The following EGR3 variants were observed in gnomAD, a reference collection of about 807,000 sequenced individuals.
The protein encoded by EGR3 is early growth response protein 3.
In EGR3, 4 loss-of-function variants were observed where a neutral mutation model predicts 22.4. The ratio of observed to expected loss-of-function variants is 0.18; its 90% CI spans 0.09 to 0.41. The LOEUF is 0.41. EGR3 is among the 10% of genes least tolerant of loss of function. The pLI is 1.00. For missense variants in EGR3, 315 were observed against 541.3 expected (o/e 0.58, Z 4.15); for synonymous variants, 219 against 226.8 (o/e 0.97, Z 0.31).
rs930261900 is a variant in EGR3 at position 22,688,899 on chromosome 8, T to A, written c.*1574A>T. The stretch of plus-strand genomic sequence containing the variant: ...AGGTAGGGTGGGGAGAAGGTGAGAC[T>A]GGGTATGGAAAGGAGACACCTCATT... On this transcript the variant is annotated 3_prime_UTR_variant, in exon 2 of 2. Transcript: ENST00000317216. 1 of 152,600 alleles carries A rather than the reference T, an allele frequency of 6.6e-6. No individual in the cohort carries two copies. The highest frequency in any genetic ancestry group is 2.4e-5 in the African/African-American group (1 of 41,434). The allele number at this position is 152,600 out of a possible 1,614,324, so 9.5% of individuals were successfully genotyped here. A position where few individuals can be genotyped will look rare whatever the true frequency, so the allele number is the denominator to read the frequency against.
rs142198577 is a variant in EGR3, at chr8:22,690,557, C to T, written c.1080G>A (p.Glu360=). 5.3e-4 allele frequency: 856 copies of T among 1,613,898 alleles called. 3 individuals carry two copies. In the African/African-American group the frequency reaches 0.011, roughly 20 times the overall value. Residue 360 remains glutamate (E), a synonymous_variant, in exon 2 of 2, where the codon GAG becomes GAA. Transcript: ENST00000317216. ...GTGCACCGCCCTTCTCCGCCTTCTT[C>T]TCCTTTTGCTTGAGGTGGATCTTGG... ...RHAKIHLKQK[E]KKAEKGGAPS... is the part of the protein sequence containing the mutation.
In EGR3 at chr8:22,689,933, T is replaced by G. The variant is rs867282466; in HGVS notation, c.*540A>C. On this transcript the variant is annotated 3_prime_UTR_variant, in exon 2 of 2. Coordinates refer to ENST00000317216, the MANE Select transcript of EGR3 (RefSeq NM_004430.3). ...CTTGCGCGCGCGCACACACACACAC[T>G]CACACACACACATACACACACACGC... The G allele has an allele frequency of 2.8e-4, 43 of 155,398 alleles. No individual in the cohort carries two copies. Among genetic ancestry groups the G allele is most frequent in the Non-Finnish European group, 4.8e-4 (34 of 70,272 alleles). 9.6% of individuals were successfully genotyped at this position (155,398 alleles called of 1,614,324 possible). A position where few individuals can be genotyped will look rare whatever the true frequency, so the allele number is the denominator to read the frequency against.
chr8:22,689,894 C>T lies in EGR3; in HGVS notation c.*579G>A, dbSNP rs966794459. ...ACACAGCCCAGTTCAGCTCAAGAGT[C>T]TTAAACACACACGCTTGCGCGCGCG... On this transcript the variant is annotated 3_prime_UTR_variant, in exon 2 of 2. Coordinates refer to ENST00000317216, the MANE Select transcript of EGR3 (RefSeq NM_004430.3). 6.5e-6 allele frequency: 1 copy of T among 154,108 alleles called. No homozygotes were observed. The highest frequency in any genetic ancestry group is 2.4e-5 in the African/African-American group (1 of 41,510). 9.5% of individuals were successfully genotyped at this position (154,108 alleles called of 1,614,324 possible).
intron 1 of EGR3, chr8:22,691,841 G>A (rs1403094792): frequency 1.0e-6 from 1 of 985,380 alleles, no homozygotes; most frequent in Non-Finnish European, 1.2e-6. Flanking sequence ...CCCGGAGCGC[G>A]CTGGGCTCTC....
At position 22,690,334 on chromosome 8, in the gene EGR3, A is replaced by G. The variant is rs1803900654; in HGVS notation, c.*139T>C. 3 of 713,010 alleles carry G rather than the reference A, an allele frequency of 4.2e-6. No individual in the cohort carries two copies. Among genetic ancestry groups the G allele is most frequent in the African/African-American group, 3.6e-5 (2 of 55,820 alleles). 44.2% of individuals were successfully genotyped at this position (713,010 alleles called of 1,614,324 possible). ...GAAAGGTTGGGAACCGGGGGCATCG[A>G]AGGGGAAGCAAGGGGCCGCACGTCC... On this transcript the variant is annotated 3_prime_UTR_variant, in exon 2 of 2. Transcript: ENST00000317216.
In EGR3 at chr8:22,690,362, G is replaced by A. The variant is rs1803902248; in HGVS notation, c.*111C>T. 2 of 873,750 alleles carry A rather than the reference G, an allele frequency of 2.3e-6. No individual in the cohort carries two copies. Among genetic ancestry groups the A allele is most frequent in the South Asian group, 1.7e-5 (1 of 58,078 alleles). 54.1% of individuals were successfully genotyped at this position (873,750 alleles called of 1,614,324 possible). On this transcript the variant is annotated 3_prime_UTR_variant, in exon 2 of 2. Transcript: ENST00000317216. ...GGGAAGCAAGGGGCCGCACGTCCAT[G>A]GAGAGGCCAGGGCGCGGCCCCTACG...
chr8:22,689,225 T>G lies in EGR3; in HGVS notation c.*1248A>C, dbSNP rs1012830528. 2.6e-5 allele frequency: 4 copies of G among 152,544 alleles called. No individual in the cohort carries two copies. Among genetic ancestry groups the G allele is most frequent in the Non-Finnish European group, 4.4e-5 (3 of 68,034 alleles). The allele number at this position is 152,544 out of a possible 1,614,324, so 9.4% of individuals were successfully genotyped here. ...ACCAAGTACCTTAGAGATTTTATTT[T>G]GCTAGGAATACATATTGTGTGTATG... On this transcript the variant is annotated 3_prime_UTR_variant, in exon 2 of 2. Transcript: ENST00000317216.
Position 22,690,800 on chromosome 8 carries a change from G to A in EGR3, c.837C>T (p.Ala279=), listed in dbSNP as rs763112257. ...PLHERPHACP[A]EGCDRRFSRS... ...GGCTGAAACGGCGGTCGCAGCCCTC[G>A]GCCGGGCACGCGTGGGGCCGTTCGT... is the stretch of plus-strand genomic sequence containing the variant. Residue 279 remains alanine, a synonymous_variant, in exon 2 of 2, where the codon GCC becomes GCT. Coordinates refer to ENST00000317216, the MANE Select transcript of EGR3 (RefSeq NM_004430.3). The A allele has an allele frequency of 6.2e-7, 1 of 1,612,852 alleles. No individual in the cohort carries two copies. Among genetic ancestry groups the A allele is most frequent in the East Asian group, 2.2e-5 (1 of 44,846 alleles).
Position 22,692,662 on chromosome 8 carries a change from TATCCACCC to T in EGR3, c.154+121_154+128del, listed in dbSNP as rs1395297830. 1.9e-4 allele frequency: 276 copies of T among 1,439,752 alleles called. No homozygotes were observed. In the African/African-American group the frequency reaches 2.1e-3, roughly 11 times the overall value. 89.2% of individuals were successfully genotyped at this position (1,439,752 alleles called of 1,614,324 possible). A position where few individuals can be genotyped will look rare whatever the true frequency, so the allele number is the denominator to read the frequency against. ...GCCCCCATCTCTCCATCCATTTATC[TATCCACCC>T]ATCCACCCATCCATCCATCCATCCA... On this transcript the variant is annotated intron_variant, in intron 1 of 1. Coordinates refer to ENST00000317216, the MANE Select transcript of EGR3 (RefSeq NM_004430.3). The surrounding 1 kb of genome is among the most constrained non-coding windows in gnomAD (Gnocchi z 6.2).
In EGR3 at chr8:22,692,679, AT is replaced by A; in HGVS notation, c.154+111del. 2 of 1,078,768 alleles carry A rather than the reference AT, an allele frequency of 1.9e-6. No individual in the cohort carries two copies. Among genetic ancestry groups the A allele is most frequent in the Non-Finnish European group, 2.5e-6 (2 of 801,640 alleles). 66.8% of individuals were successfully genotyped at this position (1,078,768 alleles called of 1,614,324 possible). A position where few individuals can be genotyped will look rare whatever the true frequency, so the allele number is the denominator to read the frequency against. On this transcript the variant is annotated intron_variant, in intron 1 of 1. Transcript: ENST00000317216. The surrounding 1 kb of genome is among the most constrained non-coding windows in gnomAD (Gnocchi z 6.2). ...CATTTATCTATCCACCCATCCACCC[AT>A]CCATCCATCCATCCATCCATCCATC...
At chr8:22,691,677 C>A in intron 1 of EGR3, 195 bp from the exon 2 acceptor site, 4 of 982,026 alleles carry the variant, frequency 4.1e-6, no homozygotes, top group Non-Finnish European at 4.8e-6. Flanking sequence ...TAGCAAAATA[C>A]TACGGATCGG....
At position 22,692,670 on chromosome 8, in the gene EGR3, C is replaced by T. The variant is rs1804010852; in HGVS notation, c.154+121G>A. 6 of 1,454,688 alleles carry T rather than the reference C, an allele frequency of 4.1e-6. No homozygotes were observed. The highest frequency in any genetic ancestry group is 4.6e-6 in the Non-Finnish European group (5 of 1,090,652). 90.1% of individuals were successfully genotyped at this position (1,454,688 alleles called of 1,614,324 possible). A position where few individuals can be genotyped will look rare whatever the true frequency, so the allele number is the denominator to read the frequency against. On this transcript the variant is annotated intron_variant, in intron 1 of 1. Coordinates refer to ENST00000317216, the MANE Select transcript of EGR3 (RefSeq NM_004430.3). The surrounding 1 kb of genome is among the most constrained non-coding windows in gnomAD (Gnocchi z 6.2). ...CTCTCCATCCATTTATCTATCCACC[C>T]ATCCACCCATCCATCCATCCATCCA... is the stretch of plus-strand genomic sequence containing the variant.
chr8:22,693,076 CGGGGGGA>C lies in EGR3; in HGVS notation c.-139_-133del. 2.0e-4 allele frequency: 14 copies of C among 69,320 alleles called. No homozygotes were observed. Among genetic ancestry groups the C allele is most frequent in the Non-Finnish European group, 2.9e-4 (12 of 41,196 alleles). The allele number at this position is 69,320 out of a possible 1,614,324, so 4.3% of individuals were successfully genotyped here. A position where few individuals can be genotyped will look rare whatever the true frequency, so the allele number is the denominator to read the frequency against. On this transcript the variant is annotated 5_prime_UTR_variant, in exon 1 of 2. Transcript: ENST00000317216. Reference sequence around the variant, plus strand: ...GGAAAAGCATGCGAGAGGGAAAGTTCGGGGGGAGGGGGGAGGGAAGAAGGGAAGGGAT... The same window carrying C: ...GGAAAAGCATGCGAGAGGGAAAGTTCGGGGGGAGGGAAGAAGGGAAGGGAT...
At position 22,690,523 on chromosome 8, in the gene EGR3, ATGCAGAGGG is replaced by A. The variant is rs762200054; in HGVS notation, c.1105_1113del (p.Pro369_Ala371del). The A allele has an allele frequency of 6.2e-7, 1 of 1,612,274 alleles. No homozygotes were observed. The highest frequency in any genetic ancestry group is 1.1e-5 in the South Asian group (1 of 91,064). Reference sequence around the variant, plus strand: ...GCCAGCGACACGGGGGGCGCCGAGGATGCAGAGGGTGCACCGCCCTTCTCCGCCTTCTTC... The same window carrying A: ...GCCAGCGACACGGGGGGCGCCGAGGATGCACCGCCCTTCTCCGCCTTCTTC... On this transcript the variant is annotated inframe_deletion, in exon 2 of 2. Coordinates refer to ENST00000317216, the MANE Select transcript of EGR3 (RefSeq NM_004430.3).
Position 22,692,097 on chromosome 8 carries a change from C to T in EGR3, c.155-615G>A. On this transcript the variant is annotated intron_variant, in intron 1 of 1. Transcript: ENST00000317216. This position sits in a 1 kb window ranked among gnomAD's most constrained non-coding sequence, Gnocchi z 6.2. ...TAGGCTCTTGCTGGAGGGGAAAATCCTAGCCCCAGCTAGGGAGGGTGGAGA... is the reference window on the plus strand; with the variant it reads ...TAGGCTCTTGCTGGAGGGGAAAATCTTAGCCCCAGCTAGGGAGGGTGGAGA... 7.4e-7 allele frequency: 1 copy of T among 1,359,198 alleles called. No individual in the cohort carries two copies. Among genetic ancestry groups the T allele is most frequent in the South Asian group, 1.7e-5 (1 of 57,598 alleles). The allele number at this position is 1,359,198 out of a possible 1,614,324, so 84.2% of individuals were successfully genotyped here. A position where few individuals can be genotyped will look rare whatever the true frequency, so the allele number is the denominator to read the frequency against.
In EGR3 at chr8:22,690,635, G is replaced by A. The variant is rs1434857808; in HGVS notation, c.1002C>T (p.Ala334=). 4 of 1,614,090 alleles carry A rather than the reference G, an allele frequency of 2.5e-6. No homozygotes were observed. Among genetic ancestry groups the A allele is most frequent in the South Asian group, 2.2e-5 (2 of 91,082 alleles). Residue 334 remains alanine (A), a synonymous_variant, in exon 2 of 2, where the codon GCC becomes GCT. Coordinates refer to ENST00000317216, the MANE Select transcript of EGR3 (RefSeq NM_004430.3). ...CAAACTTGCGCCCGCAGAACTCGCA[G>A]GCAAAGGGCTTCTCGCCCGTATGAG... is the stretch of plus-strand genomic sequence containing the variant. ...IRTHTGEKPF[A]CEFCGRKFAR...
At chr8:22,691,592 T>C in intron 1 of EGR3, 110 bp from the exon 2 acceptor site, 4 of 1,490,862 alleles carry the variant, frequency 2.7e-6, no homozygotes, top group Non-Finnish European at 3.6e-6. Flanking sequence ...GTGGAGTGCG[T>C]AGCGCATGGG....
At position 22,690,848 on chromosome 8, in the gene EGR3, G is replaced by A; in HGVS notation, c.789C>T (p.Asn263=). The change falls in exon 2 of 2, where the codon AAC becomes AAT. Residue 263 remains asparagine, a synonymous_variant. Coordinates refer to ENST00000317216, the MANE Select transcript of EGR3 (RefSeq NM_004430.3). ...CGTGGAGCGGTGTCTTGCTAGGCCG[G>A]TTGGGGTACTTGCGGGGCCGGATGG... The part of the protein sequence containing the change: ...LKPIRPRKYP[N]RPSKTPLHER... The A allele has an allele frequency of 6.2e-7, 1 of 1,605,148 alleles. No individual in the cohort carries two copies. Among genetic ancestry groups the A allele is most frequent in the Non-Finnish European group, 8.5e-7 (1 of 1,173,352 alleles).
chr8:22,692,968 G>GCCGCCA lies in EGR3; in HGVS notation c.-30_-25dup, dbSNP rs1804022031. 1.9e-6 allele frequency: 3 copies of GCCGCCA among 1,580,692 alleles called. No individual in the cohort carries two copies. The highest frequency in any genetic ancestry group is 2.8e-5 in the African/African-American group (2 of 72,558). On this transcript the variant is annotated 5_prime_UTR_variant, in exon 1 of 2. Coordinates refer to ENST00000317216, the MANE Select transcript of EGR3 (RefSeq NM_004430.3). The surrounding 1 kb of genome is among the most constrained non-coding windows in gnomAD (Gnocchi z 6.2). ...ATAGCACTCCCGAGCTGCCGCCGCC[G>GCCGCCA]CCGCCACCGCCGCCACCGCCGCCGC...
Sources: allele counts gnomAD v4.1 joint callset, GRCh38; gene constraint gnomAD v4.1.1; non-coding constraint Gnocchi (gnomAD v3.1); transcripts MANE v1.5; gene names NCBI Gene and HGNC (gene_info 2026-07-23, HGNC 2026-07-21).